Variants in RBMS3 observed in about 807,000 individuals in gnomAD.
RBMS3 encodes the protein RNA-binding motif, single-stranded-interacting protein 3.
RBMS3 carries 27 observed loss-of-function variants against 66.8 expected under a neutral mutation model. That is an observed-to-expected ratio of 0.40 (90% CI 0.30 to 0.56). The LOEUF (loss-of-function observed/expected upper bound fraction) is 0.56. RBMS3 is among the 20% of genes least tolerant of loss of function. The pLI, the probability that RBMS3 is intolerant of heterozygous loss-of-function variation, is 0.40. For synonymous variants in RBMS3, 188 were observed against 183.0 expected (o/e 1.03, Z -0.22); for missense variants, 513 against 549.5 (o/e 0.93, Z 0.66).
At chr3:29,659,588 AG>A (rs1329944342) in intron 4 of RBMS3, among the ~76,000 whole-genome samples, 1 of 152,218 alleles carries the variant, frequency 6.6e-6, no homozygotes, top group East Asian at 1.9e-4. Flanking sequence ...ATACTATTAC[AG>A]TATATGTATA....
chr3:30,007,503 G>A lies in RBMS3; in HGVS notation c.*3641G>A, dbSNP rs1351166776. The A allele has an allele frequency of 6.6e-6, 1 of 151,994 alleles. No individual in the cohort carries two copies. Among genetic ancestry groups the A allele is most frequent in the East Asian group, 1.9e-4 (1 of 5,188 alleles). 9.4% of individuals were successfully genotyped at this position (151,994 alleles called of 1,614,324 possible). On this transcript the variant is annotated 3_prime_UTR_variant, in exon 15 of 15. Transcript: ENST00000383767. ...GAAACACTGTCTCGTCTAAACTCTA[G>A]TTTCATGGTCAGTGCAACAGTGAGT...
At chr3:29,379,727 T>C (rs986798809) in intron 1 of RBMS3, among the ~76,000 whole-genome samples, 1 of 152,220 alleles carries the variant, frequency 6.6e-6, no homozygotes. Flanking sequence ...GTCAACCTCA[T>C]TGACTGAACG....
intron 2 of RBMS3, among the ~76,000 whole-genome samples, chr3:29,475,059 G>C (rs1255655041): frequency 6.6e-6 from 1 of 152,124 alleles, no homozygotes; most frequent in African/African-American, 2.4e-5. Context: ...AATTCACTGA[G>C]ATAATATTGC....
chr3:29,800,234 T>TA (rs2057346166), intron 6 of RBMS3, among the ~76,000 whole-genome samples: 1 of 152,070 alleles, frequency 6.6e-6, no homozygotes, highest in Admixed American at 6.6e-5. Context: ...TTTTTTTTTT[T>TA]ACCATTATAG....
At chr3:29,738,339 T>G (rs1423791302) in intron 4 of RBMS3, among the ~76,000 whole-genome samples, 1 of 152,200 alleles carries the variant, frequency 6.6e-6, no homozygotes, top group Non-Finnish European at 1.5e-5. Flanking sequence ...GAAGCTAAGG[T>G]TTTTGTTTAG....
In RBMS3 at chr3:29,995,516, A is replaced by G. The variant is rs997985294; in HGVS notation, c.1307+4307A>G. Among the ~76,000 whole-genome samples, 6 of 151,446 alleles carry G rather than the reference A, an allele frequency of 4.0e-5. No homozygotes were observed. The East Asian group carries it at 9.7e-4, about 25-fold the overall frequency. ...AAAATGTTAAGGGCAGCCAGAGAGAAAGGTCGGGTTACCCTCAAAGGGAAG... is the reference window on the plus strand; with the variant it reads ...AAAATGTTAAGGGCAGCCAGAGAGAGAGGTCGGGTTACCCTCAAAGGGAAG... On this transcript the variant is annotated intron_variant, in intron 14 of 14. Transcript: ENST00000383767.
intron 3 of RBMS3, among the ~76,000 whole-genome samples, chr3:29,494,968 T>C (rs2043685864): frequency 6.6e-6 from 1 of 151,814 alleles, no homozygotes; most frequent in Admixed American, 6.6e-5. Flanking sequence ...TCTTTTGCCT[T>C]TGTTGTCACA....
At chr3:29,607,872 C>T (rs1184845841) in intron 4 of RBMS3, among the ~76,000 whole-genome samples, 1 of 151,666 alleles carries the variant, frequency 6.6e-6, no homozygotes. Flanking sequence ...TTCTTTGCTG[C>T]TAGTCTTAAG....
chr3:29,770,423 T>C (rs1393487431), intron 6 of RBMS3, among the ~76,000 whole-genome samples: 1 of 151,988 alleles, frequency 6.6e-6, no homozygotes, highest in Non-Finnish European at 1.5e-5. Flanking sequence ...ACCATATTTT[T>C]TCTATAGTTA....
chr3:29,308,860 G>A (rs942316649), intron 1 of RBMS3, among the ~76,000 whole-genome samples: 4 of 149,858 alleles, frequency 2.7e-5, no homozygotes, highest in Non-Finnish European at 4.4e-5. Context: ...TGAATGCCAT[G>A]GTAAGGATGC....
chr3:29,515,638 A>T (rs535125862), intron 3 of RBMS3, among the ~76,000 whole-genome samples: 1 of 152,332 alleles, frequency 6.6e-6, no homozygotes, highest in East Asian at 1.9e-4. Context: ...CACACCGCAT[A>T]AGAAGGAGAC....
intron 3 of RBMS3, among the ~76,000 whole-genome samples, chr3:29,560,739 C>T (rs1433208314): frequency 6.6e-6 from 1 of 152,106 alleles, no homozygotes; most frequent in Non-Finnish European, 1.5e-5. Flanking sequence ...TTTTAAATGT[C>T]TTTCTTTTAA....
At chr3:29,910,573 T>C (rs1009517361) in intron 10 of RBMS3, among the ~76,000 whole-genome samples, 1 of 152,040 alleles carries the variant, frequency 6.6e-6, no homozygotes, top group African/African-American at 2.4e-5. Flanking sequence ...TTACTCTGAA[T>C]TTTGACTTTG....
chr3:29,348,799 G>T (rs1306155368), intron 1 of RBMS3, among the ~76,000 whole-genome samples: 1 of 152,152 alleles, frequency 6.6e-6, no homozygotes, highest in African/African-American at 2.4e-5. Context: ...TCCGAAATTA[G>T]AATGTGCAGC....
intron 7 of RBMS3, among the ~76,000 whole-genome samples, chr3:29,877,485 G>A (rs2149567149): frequency 6.6e-6 from 1 of 152,282 alleles, no homozygotes; most frequent in Admixed American, 6.5e-5. Flanking sequence ...GTATAGTGAG[G>A]ACCATTTCAC....
chr3:29,379,577 A>C (rs1041196257), intron 1 of RBMS3, among the ~76,000 whole-genome samples: 23 of 152,178 alleles, frequency 1.5e-4, no homozygotes, highest in African/African-American at 5.3e-4. Context: ...TAAAACTATC[A>C]GATGTCATGA....
intron 1 of RBMS3, among the ~76,000 whole-genome samples, chr3:29,360,800 A>G (rs940668483): frequency 1.3e-5 from 2 of 152,016 alleles, no homozygotes; most frequent in African/African-American, 4.8e-5. Context: ...ACCATTATGT[A>G]ATGGCCTTCT....
At chr3:29,600,549 A>G (rs911790848) in intron 4 of RBMS3, among the ~76,000 whole-genome samples, 4 of 152,086 alleles carry the variant, frequency 2.6e-5, no homozygotes, top group Admixed American at 2.0e-4. Flanking sequence ...TTTTAAAAAT[A>G]TAAGTTATGC....
intron 1 of RBMS3, among the ~76,000 whole-genome samples, chr3:29,415,704 A>G (rs959634309): frequency 2.0e-5 from 3 of 152,148 alleles, no homozygotes; most frequent in African/African-American, 7.2e-5. Context: ...GAAAAGGCAG[A>G]TGTGGGAGAC....
Sources: allele counts gnomAD v4.1 joint callset (sites outside exome capture counted in the v4.1 genomes callset), GRCh38; gene constraint gnomAD v4.1.1; transcripts MANE v1.5; gene names NCBI Gene and HGNC (gene_info 2026-07-23, HGNC 2026-07-21).